The following ERAP2 variants were observed in gnomAD, a reference collection of about 807,000 sequenced individuals.
The protein encoded by ERAP2 is leukocyte-derived arginine aminopeptidase.
A neutral mutation model predicts 111.1 loss-of-function variants in ERAP2; 118 were observed. That is an observed-to-expected ratio of 1.06 (90% CI 0.92 to 1.24). The LOEUF (loss-of-function observed/expected upper bound fraction) is 1.24. ERAP2 is among the 50% of genes most tolerant of loss of function. ERAP2 has a pLI of 0.00. For synonymous variants in ERAP2, 410 were observed against 401.2 expected (o/e 1.02, Z -0.26); for missense variants, 1,131 against 1,125.8 (o/e 1.00, Z -0.07).
intron 4 of ERAP2, among the ~76,000 whole-genome samples, chr5:96,887,652 A>G (rs1783901106): frequency 6.6e-6 from 1 of 152,208 alleles, no homozygotes; most frequent in African/African-American, 2.4e-5. Context: ...AGATCTTTAT[A>G]ATTTTTAGAG....
At chr5:96,889,462 A>G in intron 5 of ERAP2, 157 bp downstream of exon 5, 7 of 836,208 alleles carry the variant, frequency 8.4e-6, no homozygotes, top group Non-Finnish European at 1.4e-5. Context: ...TCTTGAGTGT[A>G]GAAAATAAAA....
Position 96,910,818 on chromosome 5 carries a change from C to T in ERAP2, c.2354+1054C>T, listed in dbSNP as rs1284814937. Among the ~76,000 whole-genome samples the T allele has an allele frequency of 3.9e-5, 6 of 152,152 alleles. No homozygotes were observed. The East Asian group carries it at 1.2e-3, about 29-fold the overall frequency. On this transcript the variant is annotated intron_variant, in intron 15 of 18. Coordinates refer to ENST00000437043, the MANE Select transcript of ERAP2 (RefSeq NM_022350.5). ...ACATAGATTAATTGATTACTTCATT[C>T]ATTTGTGGATTTGAAATGTAACTAG...
intron 10 of ERAP2, 136 bp downstream of exon 10, chr5:96,900,325 A>G (rs1785314401): frequency 2.2e-6 from 3 of 1,345,288 alleles, no homozygotes; most frequent in Non-Finnish European, 3.0e-6. Flanking sequence ...TTTCTCTAAA[A>G]CAAAACTGAA....
intron 13 of ERAP2, among the ~76,000 whole-genome samples, chr5:96,908,234 A>G (rs1786320871): frequency 6.6e-6 from 1 of 152,088 alleles, no homozygotes; most frequent in Non-Finnish European, 1.5e-5. Flanking sequence ...TGGCTTATAG[A>G]CTCTGTGTGC....
intron 1 of ERAP2, 54 bp from the exon 2 acceptor site, chr5:96,879,510 A>G (rs530270391): frequency 7.0e-6 from 4 of 570,718 alleles, no homozygotes; most frequent in South Asian, 5.1e-5. Flanking sequence ...TTAAGATTTT[A>G]TTTGTAAATT....
At chr5:96,913,623 A>T (rs926183956) in intron 17 of ERAP2, among the ~76,000 whole-genome samples, 166 bp downstream of exon 17, 1 of 152,228 alleles carries the variant, frequency 6.6e-6, no homozygotes, top group Admixed American at 6.5e-5. Context: ...TATCCTGTCC[A>T]GGAGTAAGGG....
chr5:96,912,701 T>TAA lies in ERAP2; in HGVS notation c.2420_2421insAA (p.Tyr807Ter). Reference sequence around the variant, plus strand: ...TGCTCAGACAACAGCAGGATGGAATTACCTTTTAGAGCAATATGAACTGTC... The same window carrying TAA: ...TGCTCAGACAACAGCAGGATGGAATTAAACCTTTTAGAGCAATATGAACTGTC... Reference protein sequence around the residue: ...VGAQTTAGWNYLLEQYELSMS... With the variant: ...VGAQTTAGWN The change falls in exon 16 of 19, where the codon TAC (tyrosine) becomes TAAAC (stop). Residue 807 changes from tyrosine (Y) to a stop codon, truncating the protein, a stop_gained and frameshift_variant. Transcript: ENST00000437043. LOFTEE classifies it high-confidence loss of function. 2 of 1,609,466 alleles carry TAA rather than the reference T, an allele frequency of 1.2e-6. No individual in the cohort carries two copies. Among genetic ancestry groups the TAA allele is most frequent in the Non-Finnish European group, 1.7e-6 (2 of 1,178,448 alleles).
At chr5:96,896,131 A>C (rs1581846017) in intron 7 of ERAP2, among the ~76,000 whole-genome samples, 1 of 152,316 alleles carries the variant, frequency 6.6e-6, no homozygotes, top group East Asian at 1.9e-4. Context: ...GGGCTGGTAC[A>C]TGATAAACAT....
chr5:96,896,518 G>T lies in ERAP2; in HGVS notation c.1371+14G>T, dbSNP rs2548537. 9 of 1,610,930 alleles carry T rather than the reference G, an allele frequency of 5.6e-6. No individual in the cohort carries two copies. The highest frequency in any genetic ancestry group is 6.8e-6 in the Non-Finnish European group (8 of 1,178,784). On this transcript the variant is annotated intron_variant, in intron 8 of 18. Coordinates refer to ENST00000437043, the MANE Select transcript of ERAP2 (RefSeq NM_022350.5). ...TCCTATAACAAGGTAGTAAATATCAGGTGCAGGTGGAAGCTCTGCTTTCAG... is the reference window on the plus strand; with the variant it reads ...TCCTATAACAAGGTAGTAAATATCATGTGCAGGTGGAAGCTCTGCTTTCAG...
chr5:96,882,429 A>G (rs78906292), intron 2 of ERAP2, among the ~76,000 whole-genome samples: 3,861 of 152,256 alleles, frequency 0.025, 172 homozygotes, highest in African/African-American at 0.088. Flanking sequence ...CTTCATACTC[A>G]GTCACCTAGT....
At chr5:96,880,867 G>T (rs1783045509) in intron 2 of ERAP2, 1 of 160,128 alleles carries the variant, frequency 6.2e-6, no homozygotes, top group Non-Finnish European at 1.4e-5. Flanking sequence ...AAGGTAATTG[G>T]CCAGTGTTAT....
chr5:96,909,859 G>A, intron 15 of ERAP2, 95 bp downstream of exon 15: 1 of 1,273,666 alleles, frequency 7.9e-7, no homozygotes, highest in African/African-American at 1.5e-5. Context: ...CTTTTAGTGA[G>A]GATAGAAAAA....
intron 4 of ERAP2, among the ~76,000 whole-genome samples, chr5:96,887,694 C>T (rs1458261405): frequency 1.3e-5 from 2 of 152,142 alleles, no homozygotes; most frequent in Non-Finnish European, 2.9e-5. Context: ...TACAACAATA[C>T]CTAATGATTA....
intron 12 of ERAP2, 27 bp downstream of exon 12, chr5:96,902,380 A>G (rs1561386892): frequency 2.8e-6 from 4 of 1,412,734 alleles, no homozygotes; most frequent in Non-Finnish European, 4.0e-6. Flanking sequence ...CCAAACAGGT[A>G]TTTCAATGTG....
intron 9 of ERAP2, among the ~76,000 whole-genome samples, chr5:96,899,417 A>G (rs546373144): frequency 6.6e-6 from 1 of 152,346 alleles, no homozygotes; most frequent in Non-Finnish European, 1.5e-5. Context: ...CATAAAGTCA[A>G]TTCTAATACA....
chr5:96,889,217 T>G lies in ERAP2; in HGVS notation c.882T>G (p.Asn294Lys). Residue 294 changes from asparagine to lysine, a missense_variant, in exon 5 of 19, where the codon AAT becomes AAG. Around this residue, in one of 3 missense-constraint regions of ERAP2, gnomAD observed 847 missense variants for 856.5 expected, o/e 0.99. Coordinates refer to ENST00000437043, the MANE Select transcript of ERAP2 (RefSeq NM_022350.5). The part of the protein sequence containing the change: ...VSIYASPDKR[N>K]QTHYALQASL... ...TCTATGCATCCCCAGACAAACGGAA[T>G]CAAACACATTATGCTTTGCAGGCAT... 2 of 1,614,168 alleles carry G rather than the reference T, an allele frequency of 1.2e-6. No individual in the cohort carries two copies. Among genetic ancestry groups the G allele is most frequent in the Non-Finnish European group, 1.7e-6 (2 of 1,180,012 alleles).
rs201095797 is a variant in ERAP2 at position 96,909,031 on chromosome 5, G to A, written c.2083G>A (p.Ala695Thr). The change falls in exon 14 of 19, where the codon GCA becomes ACA. Residue 695 changes from alanine to threonine, a missense_variant. Transcript: ENST00000437043. ...YYLQHETSSP[A>T]LLEGLSYLES... Reference sequence around the variant, plus strand: ...CCTCCAACATGAAACAAGCAGCCCCGCACTTCTCGAAGGTCTGAGTTACTT... The same window carrying A: ...CCTCCAACATGAAACAAGCAGCCCCACACTTCTCGAAGGTCTGAGTTACTT... 5.6e-5 allele frequency: 91 copies of A among 1,613,950 alleles called. No homozygotes were observed. The Admixed American group carries it at 1.2e-3, about 21-fold the overall frequency.
chr5:96,911,907 T>C (rs1399758044), intron 15 of ERAP2, among the ~76,000 whole-genome samples: 10 of 113,892 alleles, frequency 8.8e-5, no homozygotes, highest in African/African-American at 3.3e-4. Flanking sequence ...AAGAAAAAAA[T>C]GGCCGGGCGC....
intron 3 of ERAP2, among the ~76,000 whole-genome samples, chr5:96,886,251 G>A (rs1783697839): frequency 6.6e-6 from 1 of 152,154 alleles, no homozygotes; most frequent in African/African-American, 2.4e-5. Context: ...TTTTTCCACA[G>A]GGGTGTACTT....
Sources: allele counts gnomAD v4.1 joint callset (sites outside exome capture counted in the v4.1 genomes callset), GRCh38; gene constraint gnomAD v4.1.1; regional missense constraint gnomAD v4.1.1; transcripts MANE v1.5; gene names NCBI Gene and HGNC (gene_info 2026-07-23, HGNC 2026-07-21).